Variants in C3orf38 observed in about 807,000 individuals in gnomAD.
The protein encoded by C3orf38 is uncharacterized protein C3orf38.
Under a neutral mutation model 28.3 loss-of-function variants are expected in C3orf38, and 18 were observed. The observed-to-expected ratio is 0.64, with a 90% confidence interval of 0.44 to 0.94. The LOEUF is 0.94. C3orf38 is among the 40% of genes least tolerant of loss of function. The probability of loss-of-function intolerance (pLI) is 0.00; values close to 1 mark genes in which losing one functional copy is unlikely to be tolerated. For synonymous variants in C3orf38, 145 were observed against 138.1 expected, an observed-to-expected ratio of 1.05 and a Z score of -0.35; for missense variants, 364 against 396.4, an observed-to-expected ratio of 0.92 and a Z score of 0.69.
intron 1 of C3orf38, among the ~76,000 whole-genome samples, chr3:88,152,131 G>A (rs1328563177): frequency 1.3e-5 from 2 of 152,190 alleles, no homozygotes; most frequent in Non-Finnish European, 2.9e-5. Flanking sequence ...TAAAATACAA[G>A]TGGGCCAGGT....
At chr3:88,153,557 A>G (rs1707444436) in intron 2 of C3orf38, 86 bp downstream of exon 2, 1 of 1,459,824 alleles carries the variant, frequency 6.9e-7, no homozygotes, top group Non-Finnish European at 9.3e-7. Flanking sequence ...AACATGGTTA[A>G]TAATGTTTGT....
chr3:88,152,371 C>T (rs1363127553), intron 1 of C3orf38, among the ~76,000 whole-genome samples: 1 of 152,144 alleles, frequency 6.6e-6, no homozygotes, highest in African/African-American at 2.4e-5. Context: ...GATCGCGCCA[C>T]TGCACTCCAG....
intron 1 of C3orf38, among the ~76,000 whole-genome samples, chr3:88,152,629 C>T (rs1010993608): frequency 6.6e-6 from 1 of 151,846 alleles, no homozygotes; most frequent in Non-Finnish European, 1.5e-5. Flanking sequence ...GTGGCAGGCG[C>T]CTGTAGTCCC....
chr3:88,150,222 C>T, intron 1 of C3orf38, 37 bp downstream of exon 1: 1 of 1,609,824 alleles, frequency 6.2e-7, no homozygotes, highest in South Asian at 1.1e-5. Context: ...GCTGCCGCCC[C>T]TTCCCCGGCC....
chr3:88,155,564 T>C (rs1037729997), intron 2 of C3orf38, among the ~76,000 whole-genome samples: 3 of 151,868 alleles, frequency 2.0e-5, no homozygotes, highest in African/African-American at 7.3e-5. Flanking sequence ...GTTCAAGTGA[T>C]TCTCCTGCCT....
Position 88,156,497 on chromosome 3 carries a change from A to G in C3orf38, c.852A>G (p.Gly284=), listed in dbSNP as rs769659093. The stretch of plus-strand genomic sequence containing the variant: ...TGGGAGAGAGTTCCCTTGCTCCTGG[A>G]ACATTACCGAAACCATCTGTTAAAT... ...KIMGESSLAP[G]TLPKPSVKFE... The change falls in exon 3 of 3, where the codon GGA becomes GGG. Residue 284 remains glycine (G), a synonymous_variant. Coordinates refer to ENST00000318887, the MANE Select transcript of C3orf38 (RefSeq NM_173824.4). The G allele has an allele frequency of 6.2e-7, 1 of 1,614,216 alleles. No homozygotes were observed. The highest frequency in any genetic ancestry group is 2.2e-5 in the East Asian group (1 of 44,878).
Position 88,156,405 on chromosome 3 carries a change from T to C in C3orf38, c.760T>C (p.Phe254Leu), listed in dbSNP as rs762746170. Residue 254 changes from phenylalanine to leucine, a missense_variant, in exon 3 of 3, where the codon TTT becomes CTT. Transcript: ENST00000318887. ...NTCLGIFEQI[F>L]GLIRCPFVEN... ...TTGTTTGGGCATTTTTGAACAAATT[T>C]TTGGACTCATCCGCTGCCCTTTTGT... 1 of 1,614,216 alleles carries C rather than the reference T, an allele frequency of 6.2e-7. No individual in the cohort carries two copies. Among genetic ancestry groups the C allele is most frequent in the Admixed American group, 1.7e-5 (1 of 60,014 alleles).
chr3:88,155,573 C>G (rs1331468600), intron 2 of C3orf38, among the ~76,000 whole-genome samples: 8 of 151,708 alleles, frequency 5.3e-5, no homozygotes, highest in Admixed American at 5.2e-4. Flanking sequence ...ATTCTCCTGC[C>G]TCAGCCTCCT....
chr3:88,152,950 G>A (rs1011130909), intron 1 of C3orf38, among the ~76,000 whole-genome samples: 3 of 151,944 alleles, frequency 2.0e-5, no homozygotes, highest in African/African-American at 7.3e-5. Flanking sequence ...TCACTTAAAT[G>A]TTTTCTTAAA....
chr3:88,150,803 A>C (rs1707400221), intron 1 of C3orf38: 1 of 152,152 alleles, frequency 6.6e-6, no homozygotes, highest in Non-Finnish European at 1.5e-5. Flanking sequence ...AGCTAGTTTT[A>C]TTTTAAATTT....
Position 88,150,095 on chromosome 3 carries a change from C to A in C3orf38, c.43C>A (p.Arg15Ser). 1 of 1,614,202 alleles carries A rather than the reference C, an allele frequency of 6.2e-7. No individual in the cohort carries two copies. Among genetic ancestry groups the A allele is most frequent in the East Asian group, 2.2e-5 (1 of 44,880 alleles). The change falls in exon 1 of 3, where the codon CGT becomes AGT. Residue 15 changes from arginine (R) to serine (S), a missense_variant. Physicochemically the swap from Arg to Ser is moderately radical, Grantham distance 110. Transcript: ENST00000318887. ...GLSFSEMEGC[R>S]NLLGLLDNDE... ...CAGCTTTTCAGAGATGGAGGGCTGC[C>A]GTAACCTACTTGGCCTACTGGACAA...
chr3:88,156,401 A>C lies in C3orf38; in HGVS notation c.756A>C (p.Gln252His), dbSNP rs759503705. The stretch of plus-strand genomic sequence containing the variant: ...ACACTTGTTTGGGCATTTTTGAACA[A>C]ATTTTTGGACTCATCCGCTGCCCTT... Reference protein sequence around the residue: ...RGNTCLGIFEQIFGLIRCPFV... With the variant: ...RGNTCLGIFEHIFGLIRCPFV... The change falls in exon 3 of 3, where the codon CAA becomes CAC. Residue 252 changes from glutamine to histidine, a missense_variant. Gln to His is a conservative substitution (Grantham distance 24, BLOSUM62 0). Coordinates refer to ENST00000318887, the MANE Select transcript of C3orf38 (RefSeq NM_173824.4). 1.1e-5 allele frequency: 17 copies of C among 1,614,088 alleles called. No individual in the cohort carries two copies. The highest frequency in any genetic ancestry group is 1.4e-5 in the Non-Finnish European group (16 of 1,180,048).
intron 2 of C3orf38, among the ~76,000 whole-genome samples, chr3:88,155,290 TTA>T (rs962286672): frequency 2.6e-5 from 4 of 152,110 alleles, no homozygotes; most frequent in Admixed American, 1.3e-4. Context: ...TATATTAACT[TTA>T]TGTCATTTAT....
Position 88,150,037 on chromosome 3 carries a change from C to CA in C3orf38, c.-16_-15insA. 8 of 1,613,828 alleles carry CA rather than the reference C, an allele frequency of 5.0e-6. No individual in the cohort carries two copies. The highest frequency in any genetic ancestry group is 6.8e-6 in the Non-Finnish European group (8 of 1,179,790). ...GGCGACATTGTTGCCGTTGTCTTTCCCCCCCAGTCCCGGGGATGGAGATGT... is the reference window on the plus strand; with the variant it reads ...GGCGACATTGTTGCCGTTGTCTTTCCACCCCCAGTCCCGGGGATGGAGATGT... On this transcript the variant is annotated 5_prime_UTR_variant, in exon 1 of 3. Transcript: ENST00000318887.
chr3:88,150,626 GTC>G (rs1707396775), intron 1 of C3orf38: 1 of 156,160 alleles, frequency 6.4e-6, no homozygotes. Context: ...TTGAATCCAT[GTC>G]TCCTTTTGGA....
chr3:88,152,534 G>A (rs1284988406), intron 1 of C3orf38, among the ~76,000 whole-genome samples: 4 of 151,798 alleles, frequency 2.6e-5, no homozygotes, highest in Admixed American at 6.6e-5. Flanking sequence ...AGGCCGAGGC[G>A]GGCGGATCAT....
At chr3:88,154,859 AC>A (rs1394996981) in intron 2 of C3orf38, among the ~76,000 whole-genome samples, 3 of 150,658 alleles carry the variant, frequency 2.0e-5, no homozygotes, top group African/African-American at 7.3e-5. Context: ...TTTTACAGTA[AC>A]TTTTTTTTTT....
chr3:88,150,307 A>G, intron 1 of C3orf38, 122 bp downstream of exon 1: 1 of 1,184,720 alleles, frequency 8.4e-7, no homozygotes, highest in African/African-American at 1.5e-5. Context: ...TGGAACCACT[A>G]CGCCGACTTG....
chr3:88,151,645 TA>T (rs1380816280), intron 1 of C3orf38, among the ~76,000 whole-genome samples: 2 of 152,282 alleles, frequency 1.3e-5, no homozygotes, highest in African/African-American at 4.8e-5. Flanking sequence ...ATGTTCAAAG[TA>T]ACAGCGTTTG....
Sources: gnomAD v4.1 joint callset for allele counts (sites outside exome capture counted in the v4.1 genomes callset) on GRCh38, gnomAD v4.1.1 for gene constraint, MANE v1.5 for transcripts, NCBI Gene and HGNC (gene_info 2026-07-23, HGNC 2026-07-21) for gene names.